HS3ST4: variants seen among roughly 807,000 people sequenced by gnomAD.
The protein encoded by HS3ST4 is heparan sulfate-glucosamine 3-sulfotransferase 4.
Under a neutral mutation model 29.2 loss-of-function variants are expected in HS3ST4, and 17 were observed. That is an observed-to-expected ratio of 0.58 (90% CI 0.40 to 0.87). The LOEUF is 0.87. Among genes scored for constraint, HS3ST4 ranks in the 40% least tolerant of loss-of-function variants. The pLI is 0.00. For missense variants in HS3ST4, 627 were observed against 634.5 expected, an observed-to-expected ratio of 0.99 and a Z score of 0.13; for synonymous variants, 314 against 285.7, an observed-to-expected ratio of 1.10 and a Z score of -1.00.
At chr16:25,955,997 G>A (rs1968728496) in intron 1 of HS3ST4, among the ~76,000 whole-genome samples, 1 of 151,862 alleles carries the variant, frequency 6.6e-6, no homozygotes, top group African/African-American at 2.4e-5. Context: ...TTGTATTTTA[G>A]TTGAGATGGG....
chr16:25,716,990 G>A (rs935678703), intron 1 of HS3ST4, among the ~76,000 whole-genome samples: 13 of 152,036 alleles, frequency 8.6e-5, no homozygotes, highest in African/African-American at 3.1e-4. Flanking sequence ...GGAGGTGGAG[G>A]TCACAGTGAG....
rs755912758 is a variant in HS3ST4 at position 26,038,062 on chromosome 16, C to A, written c.735-97550C>A. Among the ~76,000 whole-genome samples, 23 of 152,258 alleles carry A rather than the reference C, an allele frequency of 1.5e-4. No individual in the cohort carries two copies. The Middle Eastern group carries it at 0.01, about 68-fold the overall frequency. On this transcript the variant is annotated intron_variant, in intron 1 of 1. Coordinates refer to ENST00000331351, the MANE Select transcript of HS3ST4 (RefSeq NM_006040.3). The stretch of plus-strand genomic sequence containing the variant: ...AAAACCTTACATGATATGGATGTAT[C>A]CCAGCCCCACTCACTCTATAACCCC...
rs930272603 is a variant in HS3ST4 at position 26,136,394 on chromosome 16, T to C, written c.*146T>C. 1 of 782,628 alleles carries C rather than the reference T, an allele frequency of 1.3e-6. No individual in the cohort carries two copies. The allele number at this position is 782,628 out of a possible 1,614,324, so 48.5% of individuals were successfully genotyped here. Reference sequence around the variant, plus strand: ...ATGCAGCCAGGATTGCCTCCAGTGCTGTTAGCTTAGGCAAACAGGTGGATC... The same window carrying C: ...ATGCAGCCAGGATTGCCTCCAGTGCCGTTAGCTTAGGCAAACAGGTGGATC... On this transcript the variant is annotated 3_prime_UTR_variant, in exon 2 of 2. Coordinates refer to ENST00000331351, the MANE Select transcript of HS3ST4 (RefSeq NM_006040.3).
intron 1 of HS3ST4, among the ~76,000 whole-genome samples, chr16:25,836,657 G>A (rs555503935): frequency 6.6e-6 from 1 of 152,322 alleles, no homozygotes; most frequent in South Asian, 2.1e-4. Flanking sequence ...TTAAGTGACA[G>A]TTGAAATGGC....
intron 1 of HS3ST4, among the ~76,000 whole-genome samples, chr16:25,859,922 G>A (rs1967620077): frequency 6.6e-6 from 1 of 152,148 alleles, no homozygotes; most frequent in Non-Finnish European, 1.5e-5. Flanking sequence ...GTGAGTGGCA[G>A]ATAAGGGAGA....
At chr16:25,961,865 A>G (rs529415158) in intron 1 of HS3ST4, among the ~76,000 whole-genome samples, 1 of 152,328 alleles carries the variant, frequency 6.6e-6, no homozygotes, top group African/African-American at 2.4e-5. Flanking sequence ...TTACTTAGAA[A>G]GTTCATGTGA....
At chr16:26,023,095 A>G (rs1326809514) in intron 1 of HS3ST4, among the ~76,000 whole-genome samples, 2 of 152,118 alleles carry the variant, frequency 1.3e-5, no homozygotes, top group Non-Finnish European at 2.9e-5. Flanking sequence ...TGTACATACC[A>G]TTTGCTATTT....
chr16:25,735,864 A>G (rs761811413), intron 1 of HS3ST4, among the ~76,000 whole-genome samples: 2 of 152,226 alleles, frequency 1.3e-5, no homozygotes, highest in Non-Finnish European at 2.9e-5. Flanking sequence ...AGGGGGTGGC[A>G]TCAGCCTGCC....
intron 1 of HS3ST4, among the ~76,000 whole-genome samples, chr16:26,075,548 C>T (rs1404827309): frequency 2.6e-5 from 4 of 152,160 alleles, no homozygotes; most frequent in Non-Finnish European, 5.9e-5. Flanking sequence ...CCATGCATAC[C>T]TCATTGCAGG....
At chr16:25,719,657 A>AT (rs2141588931) in intron 1 of HS3ST4, among the ~76,000 whole-genome samples, 1 of 152,334 alleles carries the variant, frequency 6.6e-6, no homozygotes, top group Non-Finnish European at 1.5e-5. Flanking sequence ...TGGGCATCAT[A>AT]TGCTAGCATA....
intron 1 of HS3ST4, among the ~76,000 whole-genome samples, chr16:26,076,379 G>A (rs1159319560): frequency 6.6e-6 from 1 of 152,198 alleles, no homozygotes; most frequent in Non-Finnish European, 1.5e-5. Flanking sequence ...CATTCAGGTA[G>A]GCTGAGGTAT....
chr16:25,890,691 CT>C (rs1464245936), intron 1 of HS3ST4, among the ~76,000 whole-genome samples: 1 of 152,116 alleles, frequency 6.6e-6, no homozygotes. Flanking sequence ...CCAGCTTAAC[CT>C]AACTGCATGA....
chr16:25,800,572 G>A (rs1484987343), intron 1 of HS3ST4, among the ~76,000 whole-genome samples: 1 of 152,134 alleles, frequency 6.6e-6, no homozygotes, highest in Non-Finnish European at 1.5e-5. Context: ...GCTACCCTAA[G>A]ACCATGATTA....
intron 1 of HS3ST4, among the ~76,000 whole-genome samples, chr16:25,915,200 C>A (rs974038696): frequency 6.6e-6 from 1 of 152,110 alleles, no homozygotes; most frequent in Non-Finnish European, 1.5e-5. Context: ...ATTCACTTCA[C>A]GGAAGCCCAG....
At chr16:25,726,363 A>G (rs546843450) in intron 1 of HS3ST4, among the ~76,000 whole-genome samples, 22 of 152,180 alleles carry the variant, frequency 1.4e-4, no homozygotes, top group African/African-American at 4.6e-4. Flanking sequence ...TATTTACTTG[A>G]TGTTATACAG....
At chr16:25,850,505 TCTAAATTC>T (rs1967508659) in intron 1 of HS3ST4, among the ~76,000 whole-genome samples, 1 of 152,224 alleles carries the variant, frequency 6.6e-6, no homozygotes, top group Non-Finnish European at 1.5e-5. Flanking sequence ...CTTCATTACT[TCTAAATTC>T]TGGCTCTTAG....
At chr16:25,945,672 G>A (rs1157554523) in intron 1 of HS3ST4, among the ~76,000 whole-genome samples, 2 of 152,148 alleles carry the variant, frequency 1.3e-5, no homozygotes, top group South Asian at 2.1e-4. Flanking sequence ...TATTCAGTCT[G>A]TGATACCACT....
intron 1 of HS3ST4, among the ~76,000 whole-genome samples, chr16:25,898,213 C>T (rs987480608): frequency 6.6e-6 from 1 of 152,228 alleles, no homozygotes; most frequent in Non-Finnish European, 1.5e-5. Context: ...TGTCCAATCT[C>T]TCACCCTCAA....
rs1011712788 is a variant in HS3ST4, at chr16:26,031,259, G to A, written c.735-104353G>A. Among the ~76,000 whole-genome samples the A allele has an allele frequency of 7.9e-5, 12 of 152,220 alleles. No homozygotes were observed. In the East Asian group the frequency reaches 1.2e-3, roughly 15 times the overall value. ...AGCGGAAACCCAGGCACAGGGCCCC[G>A]CCACTCCCCGCCCCGGGAAGAACCA... On this transcript the variant is annotated intron_variant, in intron 1 of 1. Transcript: ENST00000331351.
Sources: gnomAD v4.1 joint callset for allele counts (sites outside exome capture counted in the v4.1 genomes callset) on GRCh38, gnomAD v4.1.1 for gene constraint, MANE v1.5 for transcripts, NCBI Gene and HGNC (gene_info 2026-07-23, HGNC 2026-07-21) for gene names.